The following ZSWIM1 variants were observed in gnomAD, a reference collection of about 807,000 sequenced individuals.
The protein encoded by ZSWIM1 is zinc finger SWIM-type containing 1, also known as zinc finger SWIM domain-containing protein 1.
In ZSWIM1, 22 loss-of-function variants were observed where a neutral mutation model predicts 29.3. The observed-to-expected ratio is 0.75, with a 90% CI of 0.54 to 1.07. ZSWIM1 has a LOEUF of 1.07. Among genes scored for constraint, ZSWIM1 ranks in the 50% least tolerant of loss-of-function variants. The pLI is 0.00. For missense variants in ZSWIM1, 511 were observed against 596.2 expected (o/e 0.86, Z 1.49); for synonymous variants, 228 against 240.8 (o/e 0.95, Z 0.49).
rs1986421783 is a variant in ZSWIM1 at position 45,884,602 on chromosome 20, T to A, written c.*552T>A. Reference sequence around the variant, plus strand: ...TGGTCTCGATCTCCTGACTTCGTGATCTGCCCGCCTCGGCCTCCCAAAGTG... The same window carrying A: ...TGGTCTCGATCTCCTGACTTCGTGAACTGCCCGCCTCGGCCTCCCAAAGTG... On this transcript the variant is annotated 3_prime_UTR_variant, in exon 2 of 2. Transcript: ENST00000372523. The A allele has an allele frequency of 6.0e-6, 1 of 166,730 alleles. No individual in the cohort carries two copies. Among genetic ancestry groups the A allele is most frequent in the African/African-American group, 2.4e-5 (1 of 41,384 alleles). 10.3% of individuals were successfully genotyped at this position (166,730 alleles called of 1,614,324 possible).
At position 45,882,844 on chromosome 20, in the gene ZSWIM1, C is replaced by T; in HGVS notation, c.252C>T (p.Thr84=). The T allele has an allele frequency of 1.2e-6, 2 of 1,614,222 alleles. No individual in the cohort carries two copies. The highest frequency in any genetic ancestry group is 1.7e-6 in the Non-Finnish European group (2 of 1,180,050). Residue 84 remains threonine, a synonymous_variant, in exon 2 of 2, where the codon ACC becomes ACT. Coordinates refer to ENST00000372523, the MANE Select transcript of ZSWIM1 (RefSeq NM_080603.5). The part of the protein sequence containing the change: ...HFPEILFIHR[T]YNPRGKVLYT... ...CTGAGATCTTATTTATCCACCGGAC[C>T]TATAACCCAAGGGGTAAGGTCTTAT...
rs1014869717 is a variant in ZSWIM1, at chr20:45,884,122, A to G, written c.*72A>G. On this transcript the variant is annotated 3_prime_UTR_variant, in exon 2 of 2. Transcript: ENST00000372523. Reference sequence around the variant, plus strand: ...TCCACCCATACACACACACACACACACACACACACACACACACACACTCCC... The same window carrying G: ...TCCACCCATACACACACACACACACGCACACACACACACACACACACTCCC... 33 of 1,449,714 alleles carry G rather than the reference A, an allele frequency of 2.3e-5. No individual in the cohort carries two copies. Among genetic ancestry groups the G allele is most frequent in the Non-Finnish European group, 3.1e-5 (33 of 1,072,360 alleles). The allele number at this position is 1,449,714 out of a possible 1,614,324, so 89.8% of individuals were successfully genotyped here.
rs1162503494 is a variant in ZSWIM1, at chr20:45,883,893, G to A, written c.1301G>A (p.Ser434Asn). ...GACAGCATCCTGGGCAGCAAGTGGAGTGAGACCCTGGATAAGCACCTGGCA... is the reference window on the plus strand; with the variant it reads ...GACAGCATCCTGGGCAGCAAGTGGAATGAGACCCTGGATAAGCACCTGGCA... ...SLDSILGSKW[S>N]ETLDKHLAVT... The change falls in exon 2 of 2, where the codon AGT (serine) becomes AAT (asparagine). Residue 434 changes from serine (S) to asparagine (N), a missense_variant. By Grantham distance (46) the Ser-to-Asn change is conservative. Transcript: ENST00000372523. 1 of 1,614,102 alleles carries A rather than the reference G, an allele frequency of 6.2e-7. No individual in the cohort carries two copies. The highest frequency in any genetic ancestry group is 1.3e-5 in the African/African-American group (1 of 75,026).
intron 1 of ZSWIM1, among the ~76,000 whole-genome samples, chr20:45,882,009 G>A (rs111323431): frequency 0.012 from 1,817 of 152,250 alleles, 44 homozygotes; most frequent in African/African-American, 0.04. Flanking sequence ...CACCATACCC[G>A]GCTAATTCTT....
chr20:45,881,272 C>T lies in ZSWIM1; in HGVS notation c.-61+11C>T, dbSNP rs1986252332. The T allele has an allele frequency of 6.6e-6, 1 of 152,388 alleles. No homozygotes were observed. The highest frequency in any genetic ancestry group is 2.4e-5 in the African/African-American group (1 of 41,414). The allele number at this position is 152,388 out of a possible 1,614,324, so 9.4% of individuals were successfully genotyped here. ...GGAGCCTGGCTGTGGGTGAGTGCTT[C>T]CTGAAGGGGTGAAAGTGTGAGACAG... On this transcript the variant is annotated intron_variant, in intron 1 of 1. Transcript: ENST00000372523.
Position 45,883,694 on chromosome 20 carries a change from C to A in ZSWIM1, c.1102C>A (p.Leu368Met). 1 of 1,614,196 alleles carries A rather than the reference C, an allele frequency of 6.2e-7. No individual in the cohort carries two copies. The highest frequency in any genetic ancestry group is 8.5e-7 in the Non-Finnish European group (1 of 1,180,042). ...CTCAGAAAAGATGAACATACAGATC[C>A]TGGAAGATACCCATAAGGTGCAGCC... is the stretch of plus-strand genomic sequence containing the variant. ...SGSEKMNIQI[L>M]EDTHKVQPQP... is the part of the protein sequence containing the mutation. Residue 368 changes from leucine (L) to methionine (M), a missense_variant, in exon 2 of 2, where the codon CTG becomes ATG. Coordinates refer to ENST00000372523, the MANE Select transcript of ZSWIM1 (RefSeq NM_080603.5).
rs1185433395 is a variant in ZSWIM1 at position 45,884,222 on chromosome 20, C to CT, written c.*173dup. ...GGACAAGGTTGAAGGGTCTTCTCAT[C>CT]TACCATGGCCTGCTACCTAGCATGT... On this transcript the variant is annotated 3_prime_UTR_variant, in exon 2 of 2. Transcript: ENST00000372523. The CT allele has an allele frequency of 4.9e-6, 4 of 815,572 alleles. No individual in the cohort carries two copies. The highest frequency in any genetic ancestry group is 7.6e-6 in the Non-Finnish European group (4 of 523,834). 50.5% of individuals were successfully genotyped at this position (815,572 alleles called of 1,614,324 possible).
Position 45,883,238 on chromosome 20 carries a change from C to CT in ZSWIM1, c.647dup (p.Leu217ProfsTer34). 3 of 1,613,912 alleles carry CT rather than the reference C, an allele frequency of 1.9e-6. No homozygotes were observed. The highest frequency in any genetic ancestry group is 1.7e-6 in the Non-Finnish European group (2 of 1,180,042). ...AGGCAACCTGAGAAAGTTGTATACA[C>CT]TCCTGAGCAACTGCATCCCTCCAGC... On this transcript the variant is annotated frameshift_variant, in exon 2 of 2. Transcript: ENST00000372523. LOFTEE classifies it high-confidence loss of function.
chr20:45,884,467 ATTCT>A lies in ZSWIM1; in HGVS notation c.*418_*421del, dbSNP rs1325404883. 1.4e-5 allele frequency: 2 copies of A among 142,114 alleles called. No homozygotes were observed. Among genetic ancestry groups the A allele is most frequent in the Admixed American group, 1.6e-4 (2 of 12,780 alleles). The allele number at this position is 142,114 out of a possible 1,614,324, so 8.8% of individuals were successfully genotyped here. A position where few individuals can be genotyped will look rare whatever the true frequency, so the allele number is the denominator to read the frequency against. ...AAGCTCCACCTCCTGGGTTCACACC[ATTCT>A]CCTGCCTCAGCCTCCCGAGTATCTG... On this transcript the variant is annotated 3_prime_UTR_variant, in exon 2 of 2. Transcript: ENST00000372523.
rs1471789712 is a variant in ZSWIM1, at chr20:45,883,392, A to T, written c.800A>T (p.Gln267Leu). ...SLEVTTHILS[Q>L]FFGTTPSEKQ... ...GAGGTCACCACCCACATCCTCAGCC[A>T]GTTCTTTGGTACCACCCCATCTGAG... The change falls in exon 2 of 2, where the codon CAG becomes CTG. Residue 267 changes from glutamine (Q) to leucine (L), a missense_variant. Transcript: ENST00000372523. The T allele has an allele frequency of 1.2e-6, 2 of 1,614,110 alleles. No individual in the cohort carries two copies. The highest frequency in any genetic ancestry group is 2.7e-5 in the African/African-American group (2 of 74,930).
rs1986405509 is a variant in ZSWIM1, at chr20:45,884,177, T to G, written c.*127T>G. On this transcript the variant is annotated 3_prime_UTR_variant, in exon 2 of 2. Transcript: ENST00000372523. ...ACTGTTGTACTTCCGTGGGCCCTCC[T>G]TCCAGAACAAGGACAACAAGGACAA... 7.5e-7 allele frequency: 1 copy of G among 1,339,240 alleles called. No individual in the cohort carries two copies. Among genetic ancestry groups the G allele is most frequent in the Admixed American group, 2.5e-5 (1 of 39,804 alleles). The allele number at this position is 1,339,240 out of a possible 1,614,324, so 83.0% of individuals were successfully genotyped here.
At position 45,882,628 on chromosome 20, in the gene ZSWIM1, C is replaced by T. The variant is rs770235670; in HGVS notation, c.36C>T (p.Ala12=). The part of the protein sequence containing the change: ...LERLKAPWSA[A]LQRKYFDLGI... ...GACTCAAAGCCCCGTGGTCAGCTGC[C>T]CTGCAAAGAAAGTATTTTGACCTTG... Residue 12 remains alanine (A), a synonymous_variant, in exon 2 of 2, where the codon GCC becomes GCT. Transcript: ENST00000372523. 3.7e-6 allele frequency: 6 copies of T among 1,613,988 alleles called. No homozygotes were observed. The Admixed American group carries it at 1.0e-4, about 27-fold the overall frequency.
Position 45,883,161 on chromosome 20 carries a change from T to G in ZSWIM1, c.569T>G (p.Val190Gly). Residue 190 changes from valine (V) to glycine (G), a missense_variant, in exon 2 of 2, where the codon GTG (valine) becomes GGG (glycine). By Grantham distance (109) the Val-to-Gly change is moderately radical. Transcript: ENST00000372523. ...TATCAGCTGTCCCTTGAACGGCCCG[T>G]GGAAAGGCTGCTCCTGACCTCCCTG... ...KFYQLSLERP[V>G]ERLLLTSLQS... is the part of the protein sequence containing the mutation. 6.2e-7 allele frequency: 1 copy of G among 1,614,094 alleles called. No individual in the cohort carries two copies. Among genetic ancestry groups the G allele is most frequent in the South Asian group, 1.1e-5 (1 of 91,088 alleles).
intron 1 of ZSWIM1, among the ~76,000 whole-genome samples, chr20:45,881,709 A>C (rs1264656422): frequency 6.6e-6 from 1 of 152,238 alleles, no homozygotes; most frequent in Non-Finnish European, 1.5e-5. Flanking sequence ...GGTGGAAGGG[A>C]TTGAGGCTCA....
chr20:45,881,618 C>G (rs759993586), intron 1 of ZSWIM1, among the ~76,000 whole-genome samples: 1 of 151,944 alleles, frequency 6.6e-6, no homozygotes, highest in African/African-American at 2.4e-5. Context: ...ATAGAGGAAA[C>G]AATGGAATAG....
At chr20:45,882,474 A>G in intron 1 of ZSWIM1, 59 bp from the exon 2 acceptor site, 1 of 1,218,888 alleles carries the variant, frequency 8.2e-7, no homozygotes, top group African/African-American at 1.5e-5. Context: ...TATTGTGTGG[A>G]TGAATAATTG....
At position 45,882,967 on chromosome 20, in the gene ZSWIM1, G is replaced by T; in HGVS notation, c.375G>T (p.Leu125=). Residue 125 remains leucine (L), a synonymous_variant, in exon 2 of 2, where the codon CTG becomes CTT. Coordinates refer to ENST00000372523, the MANE Select transcript of ZSWIM1 (RefSeq NM_080603.5). ...CTGCCAAGGAGGACACTGAAGGCCT[G>T]GCCCAGATGTTCCAAGTATTCAAGA... is the stretch of plus-strand genomic sequence containing the variant. ...AIPAKEDTEG[L]AQMFQVFKKF... is the part of the protein sequence containing the mutation. 1 of 1,614,178 alleles carries T rather than the reference G, an allele frequency of 6.2e-7. No homozygotes were observed. The highest frequency in any genetic ancestry group is 8.5e-7 in the Non-Finnish European group (1 of 1,180,036).
In ZSWIM1 at chr20:45,883,366, C is replaced by T. The variant is rs116789871; in HGVS notation, c.774C>T (p.Leu258=). The T allele has an allele frequency of 1.0e-4, 169 of 1,614,226 alleles. No individual in the cohort carries two copies. In the East Asian group the frequency reaches 3.6e-3, roughly 34 times the overall value. ...AGAGCAGCCACTACTTCCAGAGCCT[C>T]GAGGTCACCACCCACATCCTCAGCC... ...RAESSHYFQS[L]EVTTHILSQF... Residue 258 remains leucine (L), a synonymous_variant, in exon 2 of 2, where the codon CTC becomes CTT. Coordinates refer to ENST00000372523, the MANE Select transcript of ZSWIM1 (RefSeq NM_080603.5).
Position 45,883,996 on chromosome 20 carries a change from C to G in ZSWIM1, c.1404C>G (p.Thr468=), listed in dbSNP as rs1420022007. The G allele has an allele frequency of 6.2e-7, 1 of 1,613,824 alleles. No individual in the cohort carries two copies. Among genetic ancestry groups the G allele is most frequent in the Admixed American group, 1.7e-5 (1 of 59,974 alleles). The part of the protein sequence containing the change: ...TKEEFERRYS[T]LRELADSWIG... ...AGGAGTTTGAGCGGAGGTATAGCAC[C>G]CTGCGGGAACTGGCCGACAGCTGGA... Residue 468 remains threonine (T), a synonymous_variant, in exon 2 of 2, where the codon ACC becomes ACG. Coordinates refer to ENST00000372523, the MANE Select transcript of ZSWIM1 (RefSeq NM_080603.5).
Sources: gnomAD v4.1 joint callset for allele counts (sites outside exome capture counted in the v4.1 genomes callset) on GRCh38, gnomAD v4.1.1 for gene constraint, MANE v1.5 for transcripts, NCBI Gene and HGNC (gene_info 2026-07-23, HGNC 2026-07-21) for gene names.